RBKS: variants seen among roughly 807,000 people sequenced by gnomAD.
RBKS encodes ribokinase.
RBKS carries 33 observed loss-of-function variants against 33.9 expected under a neutral mutation model. That is an observed-to-expected ratio of 0.97 (90% CI 0.74 to 1.30). RBKS has a LOEUF of 1.30. RBKS is among the 50% of genes most tolerant of loss of function. The probability of loss-of-function intolerance (pLI) is 0.00; values close to 1 mark genes in which losing one functional copy is unlikely to be tolerated. For synonymous variants in RBKS, 125 were observed against 143.0 expected (o/e 0.87, Z 0.90); for missense variants, 361 against 392.6 (o/e 0.92, Z 0.68).
chr2:27,856,272 C>A (rs1462237315), intron 2 of RBKS, among the ~76,000 whole-genome samples: 2 of 152,200 alleles, frequency 1.3e-5, no homozygotes, highest in African/African-American at 4.8e-5. Flanking sequence ...CTAAAATCCA[C>A]TGTGGTGCTA....
chr2:27,820,549 TTCTC>T (rs10534268), intron 7 of RBKS, among the ~76,000 whole-genome samples: 8,346 of 147,892 alleles, frequency 0.056, 428 homozygotes, highest in African/African-American at 0.13. Flanking sequence ...AGATTTACTA[TTCTC>T]TCTCTCTCTC....
At chr2:27,861,886 C>A (rs917938351) in intron 1 of RBKS, among the ~76,000 whole-genome samples, 1 of 151,458 alleles carries the variant, frequency 6.6e-6, no homozygotes, top group East Asian at 1.9e-4. Flanking sequence ...AACTCCTGAT[C>A]CCCCTGCTTC....
chr2:27,856,477 C>G (rs4233719), intron 2 of RBKS, among the ~76,000 whole-genome samples: 1 of 151,992 alleles, frequency 6.6e-6, no homozygotes, highest in Admixed American at 6.6e-5. Context: ...TCATTTCCCA[C>G]GTTCAGTTCC....
intron 7 of RBKS, among the ~76,000 whole-genome samples, chr2:27,824,766 T>C (rs1404461853): frequency 1.3e-5 from 2 of 152,232 alleles, no homozygotes; most frequent in South Asian, 2.1e-4. Flanking sequence ...ATGAGGCAAA[T>C]ACTTTAAATT....
chr2:27,790,660 A>G (rs759102727), intron 7 of RBKS, among the ~76,000 whole-genome samples: 3 of 152,252 alleles, frequency 2.0e-5, no homozygotes, highest in African/African-American at 4.8e-5. Flanking sequence ...CCAAATAAGT[A>G]TATGAAAAGA....
At chr2:27,793,406 CT>C (rs1330692263) in intron 7 of RBKS, among the ~76,000 whole-genome samples, 1 of 152,130 alleles carries the variant, frequency 6.6e-6, no homozygotes, top group Non-Finnish European at 1.5e-5. Context: ...TAGGCACCAC[CT>C]TAACCAAGTG....
intron 7 of RBKS, among the ~76,000 whole-genome samples, chr2:27,803,495 G>A (rs1043123930): frequency 1.3e-5 from 2 of 151,020 alleles, no homozygotes; most frequent in Non-Finnish European, 3.0e-5. Flanking sequence ...GCCAAGACAA[G>A]CCTGGGCAAC....
intron 1 of RBKS, among the ~76,000 whole-genome samples, chr2:27,874,022 C>A (rs1422982911): frequency 6.6e-6 from 1 of 152,132 alleles, no homozygotes; most frequent in East Asian, 1.9e-4. Flanking sequence ...TAAGGCAAGG[C>A]AGATAGAAAT....
intron 1 of RBKS, among the ~76,000 whole-genome samples, chr2:27,888,584 A>G (rs79407226): frequency 0.011 from 1,602 of 152,312 alleles, 23 homozygotes; most frequent in African/African-American, 0.037. Context: ...TCTAAAGTGA[A>G]ATACATGCTC....
At chr2:27,857,439 C>T (rs1250204706) in intron 2 of RBKS, among the ~76,000 whole-genome samples, 4 of 152,188 alleles carry the variant, frequency 2.6e-5, no homozygotes, top group African/African-American at 9.7e-5. Flanking sequence ...AATAGGAATA[C>T]TGTATGTTAC....
chr2:27,796,926 T>C (rs535277993), intron 7 of RBKS, among the ~76,000 whole-genome samples: 20 of 152,312 alleles, frequency 1.3e-4, no homozygotes, highest in African/African-American at 4.8e-4. Context: ...CTCCCTCCCA[T>C]TGTCCCTTGC....
chr2:27,844,418 G>T lies in RBKS; in HGVS notation c.350-1187C>A, dbSNP rs114552395. ...AAAAAAAAATTAAGATAAATTTTGGGGTCTCACTCTGTTGCCCAGGCTGGA... is the reference window on the plus strand; with the variant it reads ...AAAAAAAAATTAAGATAAATTTTGGTGTCTCACTCTGTTGCCCAGGCTGGA... On this transcript the variant is annotated intron_variant, in intron 4 of 7. Coordinates refer to ENST00000302188, the MANE Select transcript of RBKS (RefSeq NM_022128.3). Among the ~76,000 whole-genome samples the T allele has an allele frequency of 6.4e-3, 967 of 151,954 alleles. 7 individuals are homozygous for T. The highest frequency in any genetic ancestry group is 7.9e-3 in the Non-Finnish European group (538 of 67,954).
chr2:27,846,575 T>G (rs1288471657), intron 4 of RBKS, among the ~76,000 whole-genome samples: 1 of 152,252 alleles, frequency 6.6e-6, no homozygotes, highest in African/African-American at 2.4e-5. Context: ...AAGACAAAAT[T>G]GAACACTAAC....
chr2:27,781,621 C>T lies in RBKS; in HGVS notation c.963G>A (p.Leu321=), dbSNP rs1677285202. 6.8e-6 allele frequency: 11 copies of T among 1,608,666 alleles called. No individual in the cohort carries two copies. Among genetic ancestry groups the T allele is most frequent in the Non-Finnish European group, 9.3e-6 (11 of 1,177,832 alleles). The change falls in exon 8 of 8, where the codon CTG becomes CTA. Residue 321 remains leucine, a synonymous_variant. Coordinates refer to ENST00000302188, the MANE Select transcript of RBKS (RefSeq NM_022128.3). ...ATTTTGGGACTAATAGCAATCAAAACAGAGTAAGCGGAAGGTCTTTTTTGT... is the reference window on the plus strand; with the variant it reads ...ATTTTGGGACTAATAGCAATCAAAATAGAGTAAGCGGAAGGTCTTTTTTGT... ...YPYKKDLPLT[L]F
intron 2 of RBKS, among the ~76,000 whole-genome samples, chr2:27,852,264 C>T (rs1490422147): frequency 2.0e-5 from 3 of 152,162 alleles, no homozygotes; most frequent in Non-Finnish European, 4.4e-5. Flanking sequence ...TACAGACACT[C>T]GAAATACAGA....
intron 4 of RBKS, among the ~76,000 whole-genome samples, chr2:27,844,644 G>A (rs1376420063): frequency 1.3e-5 from 2 of 152,020 alleles, no homozygotes; most frequent in Non-Finnish European, 1.5e-5. Flanking sequence ...TGATCTACCC[G>A]CCTTGGCCTC....
intron 2 of RBKS, among the ~76,000 whole-genome samples, chr2:27,856,259 A>G (rs1663853902): frequency 6.6e-6 from 1 of 152,238 alleles, no homozygotes; most frequent in Admixed American, 6.5e-5. Flanking sequence ...GCAGACACAC[A>G]GGCTAAAATC....
At chr2:27,801,963 A>AATATATATATATAT (rs869036134) in intron 7 of RBKS, among the ~76,000 whole-genome samples, 1 of 47,614 alleles carries the variant, frequency 2.1e-5, no homozygotes, top group African/African-American at 8.1e-5. Flanking sequence ...AAAAAAAAAA[A>AATATATATATATAT]ATATATATAT....
At chr2:27,791,646 A>AATATACATATACATATACATATAC (rs66685463) in intron 7 of RBKS, among the ~76,000 whole-genome samples, 17 of 140,984 alleles carry the variant, frequency 1.2e-4, no homozygotes, top group South Asian at 4.7e-4. Context: ...ACACACACTA[A>AATATACATATACATATACATATAC]ATATACATAT....
Sources: allele counts gnomAD v4.1 joint callset (sites outside exome capture counted in the v4.1 genomes callset), GRCh38; gene constraint gnomAD v4.1.1; transcripts MANE v1.5; gene names NCBI Gene and HGNC (gene_info 2026-07-23, HGNC 2026-07-21).